Variants in COL23A1 observed in about 807,000 individuals in gnomAD.
COL23A1 encodes the protein collagen alpha-1(XXIII) chain.
In COL23A1, 97 loss-of-function variants were observed where a neutral mutation model predicts 99.3. The observed-to-expected ratio is 0.98, with a 90% CI of 0.83 to 1.16. The LOEUF is 1.16. Among genes scored for constraint, COL23A1 ranks in the 50% most tolerant of loss-of-function variants. The pLI is 0.00. For missense variants in COL23A1, 762 were observed against 757.4 expected, an observed-to-expected ratio of 1.01 and a Z score of -0.07; for synonymous variants, 320 against 308.2, an observed-to-expected ratio of 1.04 and a Z score of -0.40.
chr5:178,364,817 C>T (rs1481453110), intron 2 of COL23A1, among the ~76,000 whole-genome samples: 1 of 152,156 alleles, frequency 6.6e-6, no homozygotes, highest in Admixed American at 6.5e-5. Flanking sequence ...TGCACAGGGG[C>T]TCCCCCTCAC....
At chr5:178,431,140 G>A (rs1766242288) in intron 2 of COL23A1, among the ~76,000 whole-genome samples, 1 of 152,168 alleles carries the variant, frequency 6.6e-6, no homozygotes, top group African/African-American at 2.4e-5. Flanking sequence ...GTGGGCTGAG[G>A]ATGCTGAATG....
At position 178,401,884 on chromosome 5, in the gene COL23A1, C is replaced by T. The variant is rs150106056; in HGVS notation, c.362-94965G>A. On this transcript the variant is annotated intron_variant, in intron 2 of 28. Transcript: ENST00000390654. Reference sequence around the variant, plus strand: ...AGGCTGGAGTGCAATGGCGCAATCTCGGCTCACTGCAACCTCCACCTCCCA... The same window carrying T: ...AGGCTGGAGTGCAATGGCGCAATCTTGGCTCACTGCAACCTCCACCTCCCA... Among the ~76,000 whole-genome samples, 479 of 152,272 alleles carry T rather than the reference C, an allele frequency of 3.1e-3. 3 individuals are homozygous for T. The highest frequency in any genetic ancestry group is 0.011 in the African/African-American group (459 of 41,546).
At chr5:178,238,950 C>T (rs557922428) in intron 28 of COL23A1, among the ~76,000 whole-genome samples, 191 bp downstream of exon 28, 92 of 152,292 alleles carry the variant, frequency 6.0e-4, no homozygotes, top group African/African-American at 2.2e-3. Flanking sequence ...GACCACAGCC[C>T]CACGCCTCAC....
intron 1 of COL23A1, chr5:178,562,283 C>T (rs1048743270): frequency 3.0e-5 from 9 of 298,702 alleles, no homozygotes; most frequent in East Asian, 1.9e-4. Flanking sequence ...AGCCGCGGGC[C>T]GGGCACAGTG....
Position 178,247,845 on chromosome 5 carries a change from G to T in COL23A1, c.1213-14C>A. ...TATGAGCTGAGCCTAGGGAGGGTGAGAGACAGGTTAGTCACCCACCGCCTG... is the reference window on the plus strand; with the variant it reads ...TATGAGCTGAGCCTAGGGAGGGTGATAGACAGGTTAGTCACCCACCGCCTG... On this transcript the variant is annotated splice_polypyrimidine_tract_variant and intron_variant, in intron 20 of 28. Transcript: ENST00000390654. The T allele has an allele frequency of 6.2e-7, 1 of 1,609,608 alleles. No homozygotes were observed.
Position 178,415,083 on chromosome 5 carries a change from C to A in COL23A1, c.362-108164G>T, listed in dbSNP as rs757019036. 3.9e-5 allele frequency among the ~76,000 whole-genome samples: 6 copies of A among 152,194 alleles called. No homozygotes were observed. Among genetic ancestry groups the A allele is most frequent in the Admixed American group, 6.5e-5 (1 of 15,290 alleles). Reference sequence around the variant, plus strand: ...TTTTAAACAGTTTGTGCCTCAGTTTCTCAGCACGAAACCCGGAATATGTGA... The same window carrying A: ...TTTTAAACAGTTTGTGCCTCAGTTTATCAGCACGAAACCCGGAATATGTGA... On this transcript the variant is annotated intron_variant, in intron 2 of 28. Coordinates refer to ENST00000390654, the MANE Select transcript of COL23A1 (RefSeq NM_173465.4). The surrounding 1 kb of genome is among the most constrained non-coding windows in gnomAD (Gnocchi z 4.6).
At chr5:178,301,561 C>T (rs1003764699) in intron 3 of COL23A1, among the ~76,000 whole-genome samples, 24 of 152,246 alleles carry the variant, frequency 1.6e-4, no homozygotes, top group African/African-American at 5.5e-4. Flanking sequence ...TCAGATCCCT[C>T]TTCTCCTTTC....
At chr5:178,304,204 A>C (rs1402280713) in intron 3 of COL23A1, among the ~76,000 whole-genome samples, 1 of 151,870 alleles carries the variant, frequency 6.6e-6, no homozygotes, top group Non-Finnish European at 1.5e-5. Context: ...GCACTGCCCT[A>C]CCTGGCAAAA....
At chr5:178,245,578 CCATT>C (rs886431274) in intron 25 of COL23A1, among the ~76,000 whole-genome samples, 5 of 150,214 alleles carry the variant, frequency 3.3e-5, no homozygotes, top group Admixed American at 6.6e-5. Flanking sequence ...ACCCATCCAT[CCATT>C]CATTCATCCA....
intron 1 of COL23A1, among the ~76,000 whole-genome samples, chr5:178,571,543 T>C (rs1763096356): frequency 6.6e-6 from 1 of 152,022 alleles, no homozygotes; most frequent in Non-Finnish European, 1.5e-5. Flanking sequence ...GGAATATATA[T>C]ACAAATGCAA....
At chr5:178,423,823 G>C (rs1339776933) in intron 2 of COL23A1, among the ~76,000 whole-genome samples, 1 of 152,152 alleles carries the variant, frequency 6.6e-6, no homozygotes, top group African/African-American at 2.4e-5. Flanking sequence ...GCCTGCCCAT[G>C]ACGCTGTGCC....
intron 5 of COL23A1, among the ~76,000 whole-genome samples, chr5:178,278,124 C>G (rs1427856488): frequency 6.6e-6 from 1 of 152,246 alleles, no homozygotes; most frequent in East Asian, 1.9e-4. Context: ...GTGACCGCCA[C>G]AGCGTGGCCA....
At chr5:178,323,428 C>T (rs1309692472) in intron 2 of COL23A1, among the ~76,000 whole-genome samples, 1 of 152,166 alleles carries the variant, frequency 6.6e-6, no homozygotes, top group East Asian at 1.9e-4. Flanking sequence ...CATTCAGATG[C>T]TATAGTGTGG....
In COL23A1 at chr5:178,428,822, A is replaced by T. The variant is rs4976776; in HGVS notation, c.362-121903T>A. Among the ~76,000 whole-genome samples the T allele has an allele frequency of 0.27, 41,746 of 152,060 alleles. 6,634 individuals are homozygous for T. The highest frequency in any genetic ancestry group is 0.38 in the Middle Eastern group (112 of 292). On this transcript the variant is annotated intron_variant, in intron 2 of 28. Transcript: ENST00000390654. This position sits in a 1 kb window ranked among gnomAD's most constrained non-coding sequence, Gnocchi z 5.0. ...CATCTGCCCAGATGGGGGCTGTGCA[A>T]GCAGGGTCTGCAAGCAACTCTGCCC...
rs75049363 is a variant in COL23A1, at chr5:178,305,347, C to T, written c.406+1528G>A. ...GGAACAAGGAGGCAGAAAGCCTGCG[C>T]CCAGCTCCAGGGAGAAGAGTCTGAG... On this transcript the variant is annotated intron_variant, in intron 3 of 28. Transcript: ENST00000390654. 7.2e-3 allele frequency among the ~76,000 whole-genome samples: 1,089 copies of T among 152,080 alleles called. 13 individuals are homozygous for T. The highest frequency in any genetic ancestry group is 0.025 in the African/African-American group (1,042 of 41,458).
rs189349782 is a variant in COL23A1, at chr5:178,518,589, G to T, written c.361+42093C>A. ...CTCCTCACCTCCCAGATGGGGCGGC[G>T]GGGCAGAGGCGCTCCTCACATCTCA... is the stretch of plus-strand genomic sequence containing the variant. On this transcript the variant is annotated intron_variant, in intron 2 of 28. Coordinates refer to ENST00000390654, the MANE Select transcript of COL23A1 (RefSeq NM_173465.4). Among the ~76,000 whole-genome samples, 15 of 107,690 alleles carry T rather than the reference G, an allele frequency of 1.4e-4. No homozygotes were observed. In the East Asian group the frequency reaches 6.4e-3, roughly 46 times the overall value. The allele number at this position is 107,690 out of a possible 152,430, so 70.6% of individuals were successfully genotyped here. A position where few individuals can be genotyped will look rare whatever the true frequency, so the allele number is the denominator to read the frequency against.
intron 5 of COL23A1, among the ~76,000 whole-genome samples, chr5:178,278,669 C>T (rs1336250168): frequency 6.6e-6 from 1 of 152,000 alleles, no homozygotes; most frequent in Admixed American, 6.5e-5. Context: ...CTCCGCCAGG[C>T]CCCCTACCTC....
intron 1 of COL23A1, among the ~76,000 whole-genome samples, chr5:178,578,824 CT>C (rs11343452): frequency 0.15 from 22,296 of 147,844 alleles, 2,947 homozygotes; most frequent in East Asian, 0.39. Context: ...TAAAAGCAGA[CT>C]TTTTTTTTTT....
At chr5:178,556,371 C>T (rs1199140190) in intron 2 of COL23A1, among the ~76,000 whole-genome samples, 1 of 151,980 alleles carries the variant, frequency 6.6e-6, no homozygotes, top group South Asian at 2.1e-4. Context: ...GCCTATAATC[C>T]CAGTACTTTG....
Sources: gnomAD v4.1 joint callset for allele counts (sites outside exome capture counted in the v4.1 genomes callset) on GRCh38, gnomAD v4.1.1 for gene constraint, Gnocchi (gnomAD v3.1) non-coding constraint, MANE v1.5 for transcripts, NCBI Gene and HGNC (gene_info 2026-07-23, HGNC 2026-07-21) for gene names.